MTMR12: variants seen among roughly 807,000 people sequenced by gnomAD.
MTMR12 encodes myotubularin-related protein 12.
In MTMR12, 33 loss-of-function variants were observed where a neutral mutation model predicts 96.7. The ratio of observed to expected loss-of-function variants is 0.34; its 90% CI spans 0.26 to 0.46. The LOEUF (loss-of-function observed/expected upper bound fraction) is 0.46. MTMR12 is among the 20% of genes least tolerant of loss of function. The probability of loss-of-function intolerance (pLI) is 1.00; values close to 1 mark genes in which losing one functional copy is unlikely to be tolerated. For missense variants in MTMR12, 721 were observed against 896.1 expected (o/e 0.80, Z 2.49); for synonymous variants, 298 against 327.2 (o/e 0.91, Z 0.96).
intron 4 of MTMR12, 99 bp from the exon 5 acceptor site, chr5:32,271,046 C>A: frequency 7.4e-7 from 1 of 1,350,038 alleles, no homozygotes; most frequent in Non-Finnish European, 1.0e-6. Context: ...AGGGATACTT[C>A]CCAAGAATGA....
chr5:32,231,330 G>T (rs903836307), intron 15 of MTMR12, among the ~76,000 whole-genome samples: 2 of 144,064 alleles, frequency 1.4e-5, no homozygotes, highest in Non-Finnish European at 3.0e-5. Flanking sequence ...AGTGAGCCGA[G>T]ATCACGCCGT....
intron 7 of MTMR12, among the ~76,000 whole-genome samples, chr5:32,262,039 T>G (rs1749380462): frequency 6.6e-6 from 1 of 152,090 alleles, no homozygotes; most frequent in African/African-American, 2.4e-5. Flanking sequence ...GCCACTGCAC[T>G]CCAGCCTGGG....
At chr5:32,253,798 A>T (rs192368835) in intron 8 of MTMR12, among the ~76,000 whole-genome samples, 30 of 152,268 alleles carry the variant, frequency 2.0e-4, no homozygotes, top group African/African-American at 6.3e-4. Flanking sequence ...ATTTTAAAAA[A>T]TTTTTTGTAG....
chr5:32,286,057 A>C (rs1383974607), intron 1 of MTMR12, among the ~76,000 whole-genome samples: 1 of 152,186 alleles, frequency 6.6e-6, no homozygotes, highest in African/African-American at 2.4e-5. Flanking sequence ...ATGATGAATA[A>C]GGCCAGGCAC....
chr5:32,271,326 A>T (rs908192037), intron 4 of MTMR12, among the ~76,000 whole-genome samples: 1 of 152,224 alleles, frequency 6.6e-6, no homozygotes, highest in African/African-American at 2.4e-5. Flanking sequence ...CCCTGCTGAG[A>T]CCCCCTACTG....
rs776197489 is a variant in MTMR12, at chr5:32,274,004, A to C, written c.261T>G (p.Asp87Glu). The change falls in exon 3 of 16, where the codon GAT becomes GAG. Residue 87 changes from aspartate to glutamate, a missense_variant. By Grantham distance (45) the Asp-to-Glu change is conservative. Transcript: ENST00000382142. ...CTDFKIAFLGDDESALDNDET... is the reference protein window; with the variant it reads ...CTDFKIAFLGEDESALDNDET... ...CATCATTATCCAATGCAGATTCATC[A>C]TCACCCAAGAAGGCAATCTTGAAGT... The C allele has an allele frequency of 6.2e-7, 1 of 1,614,224 alleles. No homozygotes were observed. The highest frequency in any genetic ancestry group is 1.7e-5 in the Admixed American group (1 of 60,028).
At position 32,248,713 on chromosome 5, in the gene MTMR12, T is replaced by G; in HGVS notation, c.896+59A>C. 1.5e-6 allele frequency: 2 copies of G among 1,341,162 alleles called. 1 individual carries two copies. The highest frequency in any genetic ancestry group is 2.3e-5 in the South Asian group (2 of 85,358). 83.1% of individuals were successfully genotyped at this position (1,341,162 alleles called of 1,614,324 possible). On this transcript the variant is annotated intron_variant, in intron 9 of 15. Coordinates refer to ENST00000382142, the MANE Select transcript of MTMR12 (RefSeq NM_001040446.3). ...GAAATAGACATACTACTAAGAGCTG[T>G]TCCCTGCTTCTTGGAAAACAAGAAC...
intron 14 of MTMR12, among the ~76,000 whole-genome samples, 185 bp from the exon 15 acceptor site, chr5:32,234,119 A>G (rs556428063): frequency 6.3e-4 from 96 of 152,272 alleles, no homozygotes; most frequent in African/African-American, 2.2e-3. Flanking sequence ...GAGGAGGGCA[A>G]GAACAAGGAC....
chr5:32,310,477 G>A (rs1036920538), intron 1 of MTMR12, among the ~76,000 whole-genome samples: 1 of 152,174 alleles, frequency 6.6e-6, no homozygotes, highest in Admixed American at 6.5e-5. Flanking sequence ...CCATAAAAAA[G>A]AATAAGATCC....
chr5:32,239,240 G>A, intron 12 of MTMR12, 67 bp from the exon 13 acceptor site: 2 of 1,436,576 alleles, frequency 1.4e-6, no homozygotes, highest in Non-Finnish European at 1.9e-6. Context: ...GTTTCAGAAT[G>A]CTCTCACTTG....
At chr5:32,290,519 G>T (rs1750701166) in intron 1 of MTMR12, among the ~76,000 whole-genome samples, 1 of 152,208 alleles carries the variant, frequency 6.6e-6, no homozygotes, top group Non-Finnish European at 1.5e-5. Flanking sequence ...CTACAACCAA[G>T]AAAGAGGCAC....
intron 1 of MTMR12, among the ~76,000 whole-genome samples, chr5:32,300,608 T>C (rs1053033623): frequency 6.6e-6 from 1 of 152,158 alleles, no homozygotes; most frequent in Non-Finnish European, 1.5e-5. Context: ...CCACCCAGAT[T>C]ACATCTGCCA....
At chr5:32,288,900 G>A (rs143298652) in intron 1 of MTMR12, among the ~76,000 whole-genome samples, 139 of 152,248 alleles carry the variant, frequency 9.1e-4, no homozygotes, top group Middle Eastern at 6.8e-3. Flanking sequence ...ATCCCAGCTG[G>A]GAGGGTCCAG....
intron 1 of MTMR12, among the ~76,000 whole-genome samples, chr5:32,303,959 A>C (rs1342283926): frequency 1.3e-5 from 2 of 152,116 alleles, no homozygotes; most frequent in Non-Finnish European, 2.9e-5. Context: ...ATAATCTACC[A>C]ATATGGATCA....
At chr5:32,244,310 C>G (rs1164371750) in intron 10 of MTMR12, among the ~76,000 whole-genome samples, 3 of 149,626 alleles carry the variant, frequency 2.0e-5, no homozygotes, top group Admixed American at 2.0e-4. Context: ...AAAAAAAAGG[C>G]CAGATGTGGT....
chr5:32,257,872 G>A (rs1749201920), intron 7 of MTMR12, among the ~76,000 whole-genome samples: 1 of 152,126 alleles, frequency 6.6e-6, no homozygotes, highest in Admixed American at 6.6e-5. Flanking sequence ...TTCAAGACCA[G>A]CCTGGGCAAC....
intron 1 of MTMR12, among the ~76,000 whole-genome samples, chr5:32,309,942 A>T (rs1325487690): frequency 6.6e-6 from 1 of 152,224 alleles, no homozygotes; most frequent in Non-Finnish European, 1.5e-5. Flanking sequence ...TGTGGAGAAC[A>T]GTACGGAGGT....
At chr5:32,294,146 C>T (rs1215634360) in intron 1 of MTMR12, among the ~76,000 whole-genome samples, 1 of 152,188 alleles carries the variant, frequency 6.6e-6, no homozygotes, top group Non-Finnish European at 1.5e-5. Flanking sequence ...GTCTCCACTC[C>T]TGTCCATCCA....
Position 32,312,876 on chromosome 5 carries a change from G to A in MTMR12, c.-38C>T, listed in dbSNP as rs776486821. On this transcript the variant is annotated 5_prime_UTR_variant, in exon 1 of 16. Coordinates refer to ENST00000382142, the MANE Select transcript of MTMR12 (RefSeq NM_001040446.3). The surrounding 1 kb of genome is among the most constrained non-coding windows in gnomAD (Gnocchi z 5.0). ...GGAAGCAGCGACGCGCGGACGCAGA[G>A]GCGGCGGCTCGGGCTCCAGCTGGGG... The A allele has an allele frequency of 5.7e-5, 86 of 1,503,696 alleles. No individual in the cohort carries two copies. In the East Asian group the frequency reaches 2.0e-3, roughly 36 times the overall value. The allele number at this position is 1,503,696 out of a possible 1,614,324, so 93.1% of individuals were successfully genotyped here. A position where few individuals can be genotyped will look rare whatever the true frequency, so the allele number is the denominator to read the frequency against.
Sources: allele counts gnomAD v4.1 joint callset (sites outside exome capture counted in the v4.1 genomes callset), GRCh38; gene constraint gnomAD v4.1.1; non-coding constraint Gnocchi (gnomAD v3.1); transcripts MANE v1.5; gene names NCBI Gene and HGNC (gene_info 2026-07-23, HGNC 2026-07-21).